The following HRH1 variants were observed in gnomAD, a reference collection of about 807,000 sequenced individuals.
HRH1 encodes the protein histamine receptor H1.
HRH1 carries 6 observed loss-of-function variants against 10.3 expected under a neutral mutation model. The ratio of observed to expected loss-of-function variants is 0.58; its 90% CI spans 0.32 to 1.15. The LOEUF is 1.15. Among genes scored for constraint, HRH1 ranks in the 50% most tolerant of loss-of-function variants. The pLI, the probability that HRH1 is intolerant of heterozygous loss-of-function variation, is 0.05. For synonymous variants in HRH1, 242 were observed against 236.7 expected (o/e 1.02, Z -0.21); for missense variants, 514 against 615.3 (o/e 0.84, Z 1.74).
chr3:11,137,632 G>C (rs1293612252), intron 1 of HRH1, among the ~76,000 whole-genome samples: 1 of 152,146 alleles, frequency 6.6e-6, no homozygotes, highest in South Asian at 2.1e-4. Context: ...TGATTGGATG[G>C]TGGAGTGATG....
intron 1 of HRH1, among the ~76,000 whole-genome samples, chr3:11,199,369 G>T (rs1182426784): frequency 6.6e-6 from 1 of 152,072 alleles, no homozygotes; most frequent in Non-Finnish European, 1.5e-5. Context: ...TGCCTTATTT[G>T]CCCTCACCTC....
At chr3:11,242,860 T>G (rs1449725969) in intron 1 of HRH1, among the ~76,000 whole-genome samples, 1 of 152,182 alleles carries the variant, frequency 6.6e-6, no homozygotes, top group African/African-American at 2.4e-5. Context: ...TTACACTTTC[T>G]GCACTTAGTA....
chr3:11,259,825 A>G lies in HRH1; in HGVS notation c.788A>G (p.Lys263Arg). The G allele has an allele frequency of 6.2e-7, 1 of 1,613,984 alleles. No individual in the cohort carries two copies. The highest frequency in any genetic ancestry group is 8.5e-7 in the Non-Finnish European group (1 of 1,179,970). The change falls in exon 2 of 2, where the codon AAG becomes AGG. Residue 263 changes from lysine (K) to arginine (R), a missense_variant. Lys to Arg is a conservative substitution (Grantham distance 26). Transcript: ENST00000431010. This position sits in a 1 kb window ranked among gnomAD's most constrained non-coding sequence, Gnocchi z 4.6. ...TCTCCCTGGGAGGTTCTGAAAAGGAAGCCAAAAGATGCTGGTGGTGGATCT... is the reference window on the plus strand; with the variant it reads ...TCTCCCTGGGAGGTTCTGAAAAGGAGGCCAAAAGATGCTGGTGGTGGATCT... Reference protein sequence around the residue: ...KESPWEVLKRKPKDAGGGSVL... With the variant: ...KESPWEVLKRRPKDAGGGSVL...
chr3:11,162,276 T>C (rs1256818560), intron 1 of HRH1, among the ~76,000 whole-genome samples: 1 of 152,024 alleles, frequency 6.6e-6, no homozygotes, highest in Admixed American at 6.6e-5. Context: ...GGGAGAGCCC[T>C]GGGTTATAAG....
At chr3:11,153,478 A>C (rs1559253709), upstream of HRH1, among the ~76,000 whole-genome samples, 1 of 152,026 alleles carries the variant, frequency 6.6e-6, no homozygotes, top group Admixed American at 6.5e-5. Flanking sequence ...GAGGAGGCTA[A>C]AATACCCCTC....
At chr3:11,206,871 A>G (rs1027118152) in intron 1 of HRH1, among the ~76,000 whole-genome samples, 2 of 152,222 alleles carry the variant, frequency 1.3e-5, no homozygotes, top group Non-Finnish European at 2.9e-5. Context: ...AGGGACAGAC[A>G]AGGGAAAGTC....
chr3:11,221,546 C>G (rs990774525), intron 1 of HRH1, among the ~76,000 whole-genome samples: 2 of 150,006 alleles, frequency 1.3e-5, no homozygotes, highest in Non-Finnish European at 2.9e-5. Flanking sequence ...CGGAGCGAGA[C>G]TCCATCTCAA....
rs76570244 is a variant in HRH1, at chr3:11,145,044, C to T, written c.-36+7645C>T. 7.8e-3 allele frequency among the ~76,000 whole-genome samples: 1,190 copies of T among 152,196 alleles called. 17 individuals are homozygous for T. The East Asian group carries it at 0.089, about 11-fold the overall frequency. ...TTCCTCCTAAGTATCTCTGGAAGCT[C>T]TTCTCCCAGCCCCAATCCCCATGGC... is the stretch of plus-strand genomic sequence containing the variant. On this transcript the variant is annotated intron_variant, in intron 1 of 1. Coordinates refer to the HRH1 transcript ENST00000438284.
At chr3:11,209,520 A>G (rs1938252853) in intron 1 of HRH1, among the ~76,000 whole-genome samples, 1 of 152,230 alleles carries the variant, frequency 6.6e-6, no homozygotes, top group African/African-American at 2.4e-5. Context: ...TCGGTGGTTC[A>G]CAGTGTTTGG....
chr3:11,156,775 G>A (rs1414353676), intron 1 of HRH1, among the ~76,000 whole-genome samples: 2 of 152,196 alleles, frequency 1.3e-5, no homozygotes, highest in Non-Finnish European at 2.9e-5. Flanking sequence ...GTCCATTGTT[G>A]TTGTTGCTAT....
chr3:11,256,308 G>C (rs1230442404), intron 1 of HRH1, among the ~76,000 whole-genome samples: 1 of 152,120 alleles, frequency 6.6e-6, no homozygotes, highest in African/African-American at 2.4e-5. Context: ...AGTCTTTAGA[G>C]ATTGTCTATC....
chr3:11,162,092 T>C (rs1322831723), intron 1 of HRH1, among the ~76,000 whole-genome samples: 1 of 151,926 alleles, frequency 6.6e-6, no homozygotes. Flanking sequence ...CTGCAGGAGG[T>C]GGCCCCTCCC....
intron 1 of HRH1, among the ~76,000 whole-genome samples, chr3:11,140,269 C>T (rs1384657577): frequency 6.6e-5 from 10 of 152,134 alleles, no homozygotes; most frequent in Non-Finnish European, 1.3e-4. Context: ...GATGAAACCC[C>T]GCCCCTCCCC....
chr3:11,249,319 C>A (rs1226045553), intron 1 of HRH1, among the ~76,000 whole-genome samples: 2 of 145,860 alleles, frequency 1.4e-5, no homozygotes, highest in African/African-American at 5.1e-5. Flanking sequence ...AGGAGAATGG[C>A]GTGAACTCGG....
In HRH1 at chr3:11,210,604, C is replaced by T. The variant is rs929483540; in HGVS notation, c.-35-48399C>T. 9.2e-5 allele frequency among the ~76,000 whole-genome samples: 14 copies of T among 152,204 alleles called. No homozygotes were observed. In the East Asian group the frequency reaches 2.5e-3, roughly 27 times the overall value. ...CCCAGGTGTTTGAGGCCAGCCTGGGCAATGCGGTGAAACCCCATCTCTACC... is the reference window on the plus strand; with the variant it reads ...CCCAGGTGTTTGAGGCCAGCCTGGGTAATGCGGTGAAACCCCATCTCTACC... On this transcript the variant is annotated intron_variant, in intron 1 of 1. Coordinates refer to ENST00000431010, the MANE Select transcript of HRH1 (RefSeq NM_001098212.2).
intron 1 of HRH1, among the ~76,000 whole-genome samples, chr3:11,146,327 CCT>C (rs1322858705): frequency 6.6e-6 from 1 of 152,140 alleles, no homozygotes; most frequent in East Asian, 1.9e-4. Flanking sequence ...CTTACCTCCC[CCT>C]GTTTTAGGCT....
chr3:11,142,905 C>T (rs908878087), intron 1 of HRH1, among the ~76,000 whole-genome samples: 1 of 151,364 alleles, frequency 6.6e-6, no homozygotes, highest in African/African-American at 2.4e-5. Context: ...CAGAGCAAGA[C>T]TCTGTTTTGG....
At chr3:11,174,983 G>A (rs1356040637) in intron 1 of HRH1, among the ~76,000 whole-genome samples, 1 of 152,194 alleles carries the variant, frequency 6.6e-6, no homozygotes, top group East Asian at 1.9e-4. Flanking sequence ...CCCACTTGGT[G>A]TGGCTTGGTT....
At chr3:11,178,395 G>A (rs1021588145) in intron 1 of HRH1, among the ~76,000 whole-genome samples, 1 of 152,300 alleles carries the variant, frequency 6.6e-6, no homozygotes, top group East Asian at 1.9e-4. Flanking sequence ...TTATTTCCCC[G>A]TTGGGTGCCT....
Sources: gnomAD v4.1 joint callset for allele counts (sites outside exome capture counted in the v4.1 genomes callset) on GRCh38, gnomAD v4.1.1 for gene constraint, Gnocchi (gnomAD v3.1) non-coding constraint, MANE v1.5 for transcripts, NCBI Gene and HGNC (gene_info 2026-07-23, HGNC 2026-07-21) for gene names.